PIK3CA: variants seen among roughly 807,000 people sequenced by gnomAD.
PIK3CA encodes the protein phosphatidylinositol-4,5-bisphosphate 3-kinase catalytic subunit alpha.
Under a neutral mutation model 138.2 loss-of-function variants are expected in PIK3CA, and 27 were observed. The ratio of observed to expected loss-of-function variants is 0.20; its 90% CI spans 0.14 to 0.27. The LOEUF is 0.27. Ranked by LOEUF, PIK3CA falls within the 10% of genes least tolerant of loss-of-function variation. PIK3CA has a pLI of 1.00. For synonymous variants in PIK3CA, 358 were observed against 413.2 expected (o/e 0.87, Z 1.62); for missense variants, 544 against 1,277.4 (o/e 0.43, Z 8.75).
At chr3:179,205,541 A>G (rs1222135198) in intron 6 of PIK3CA, among the ~76,000 whole-genome samples, 1 of 152,216 alleles carries the variant, frequency 6.6e-6, no homozygotes, top group Non-Finnish European at 1.5e-5. Context: ...ACCCTGAGGC[A>G]GTTTCCTTCA....
At chr3:179,170,067 C>CGT (rs1723516289) in intron 1 of PIK3CA, among the ~76,000 whole-genome samples, 1 of 33,650 alleles carries the variant, frequency 3.0e-5, no homozygotes, top group Admixed American at 3.5e-4. Context: ...CGCGTGCACA[C>CGT]GCGCGCGCGC....
intron 1 of PIK3CA, among the ~76,000 whole-genome samples, chr3:179,154,521 GCCAAAAAAGTTGGGGA>G (rs1396777606): frequency 6.6e-6 from 1 of 152,188 alleles, no homozygotes; most frequent in African/African-American, 2.4e-5. Context: ...GCTCCCTGGT[GCCAAAAAAGTTGGGGA>G]CCACTGGCCT....
intron 1 of PIK3CA, among the ~76,000 whole-genome samples, chr3:179,163,948 A>G (rs1240865151): frequency 1.3e-5 from 2 of 152,196 alleles, no homozygotes; most frequent in African/African-American, 4.8e-5. Flanking sequence ...CTTTAAAATC[A>G]ACATACAGTT....
intron 1 of PIK3CA, among the ~76,000 whole-genome samples, chr3:179,172,620 T>G (rs2108363414): frequency 6.6e-6 from 1 of 152,290 alleles, no homozygotes; most frequent in East Asian, 1.9e-4. Context: ...AAAAAACCAT[T>G]TACAGTAGTA....
chr3:179,210,106 ATTTTCC>A, intron 7 of PIK3CA, 74 bp from the exon 8 acceptor site: 1 of 1,139,340 alleles, frequency 8.8e-7, no homozygotes, highest in Non-Finnish European at 1.2e-6. Flanking sequence ...TGATTGTTGA[ATTTTCC>A]TTTTGGGGAA....
chr3:179,172,027 G>A (rs1723571247), intron 1 of PIK3CA, among the ~76,000 whole-genome samples: 1 of 151,998 alleles, frequency 6.6e-6, no homozygotes, highest in African/African-American at 2.4e-5. Context: ...ATATTTAAAA[G>A]GATAATACTA....
chr3:179,182,923 A>G (rs921483919), intron 1 of PIK3CA, among the ~76,000 whole-genome samples: 135 of 152,302 alleles, frequency 8.9e-4, no homozygotes, highest in Admixed American at 5.2e-4. Flanking sequence ...TATCGAAAAG[A>G]TGGATTTTTT....
intron 3 of PIK3CA, 74 bp downstream of exon 3, chr3:179,199,973 TC>T (rs370539852): frequency 4.4e-6 from 4 of 902,930 alleles, no homozygotes; most frequent in South Asian, 1.7e-5. Flanking sequence ...CTTTGTATAG[TC>T]TTTTTTTTTT....
chr3:179,193,614 A>G (rs754801017), intron 1 of PIK3CA, among the ~76,000 whole-genome samples: 1 of 152,128 alleles, frequency 6.6e-6, no homozygotes, highest in African/African-American at 2.4e-5. Flanking sequence ...ATAATTCATC[A>G]AAAAGGTAAA....
chr3:179,151,624 A>G (rs1334697673), intron 1 of PIK3CA, among the ~76,000 whole-genome samples: 10 of 152,188 alleles, frequency 6.6e-5, no homozygotes, highest in Admixed American at 3.3e-4. Context: ...CTAATAGAAA[A>G]GGATGTAAAG....
At chr3:179,155,007 G>A (rs1209634695) in intron 1 of PIK3CA, among the ~76,000 whole-genome samples, 5 of 151,988 alleles carry the variant, frequency 3.3e-5, no homozygotes, top group South Asian at 4.2e-4. Flanking sequence ...GGTACACTTC[G>A]GATTTTAAGT....
intron 1 of PIK3CA, among the ~76,000 whole-genome samples, chr3:179,184,470 T>C (rs1411050987): frequency 6.6e-6 from 1 of 152,224 alleles, no homozygotes; most frequent in African/African-American, 2.4e-5. Flanking sequence ...GCTTTATCAT[T>C]AGTCCCTGGT....
Position 179,230,344 on chromosome 3 carries a change from C to G in PIK3CA, c.2904C>G (p.Ala968=), listed in dbSNP as rs1216211681. ...QDFLIVISKG[A]QECTKTREFE... The stretch of plus-strand genomic sequence containing the variant: ...TCTTAATAGTGATTAGTAAAGGAGC[C>G]CAAGAATGCACAAAGACAAGAGAAT... The change falls in exon 20 of 21, where the codon GCC becomes GCG. Residue 968 remains alanine (A), a synonymous_variant. Coordinates refer to ENST00000263967, the MANE Select transcript of PIK3CA (RefSeq NM_006218.4). This position sits in a 1 kb window ranked among gnomAD's most constrained non-coding sequence, Gnocchi z 5.4. 6.2e-7 allele frequency: 1 copy of G among 1,607,842 alleles called. No homozygotes were observed. The highest frequency in any genetic ancestry group is 1.1e-5 in the South Asian group (1 of 89,722).
chr3:179,209,307 G>A (rs1289754575), intron 6 of PIK3CA, among the ~76,000 whole-genome samples: 1 of 151,812 alleles, frequency 6.6e-6, no homozygotes, highest in African/African-American at 2.4e-5. Context: ...TCCTATTACT[G>A]CATAACCTTA....
chr3:179,158,719 A>G (rs1308765071), intron 1 of PIK3CA, among the ~76,000 whole-genome samples: 2 of 152,168 alleles, frequency 1.3e-5, no homozygotes, highest in Non-Finnish European at 2.9e-5. Flanking sequence ...TTTACAAGTC[A>G]TTTATGTAAA....
intron 7 of PIK3CA, 117 bp from the exon 8 acceptor site, chr3:179,210,069 T>G: frequency 1.4e-6 from 1 of 729,462 alleles, no homozygotes; most frequent in Non-Finnish European, 2.1e-6. Context: ...AATTTTTTTT[T>G]TTTAGATATT....
intron 1 of PIK3CA, among the ~76,000 whole-genome samples, chr3:179,177,747 T>C (rs1190782799): frequency 2.0e-5 from 3 of 152,202 alleles, no homozygotes; most frequent in Non-Finnish European, 2.9e-5. Flanking sequence ...TGAAGAAATC[T>C]TTTAAAACTG....
chr3:179,205,076 T>C (rs1300510197), intron 6 of PIK3CA, among the ~76,000 whole-genome samples: 2 of 142,048 alleles, frequency 1.4e-5, no homozygotes, highest in African/African-American at 2.6e-5. Flanking sequence ...CACAGTGGCA[T>C]GTGCCTGTAG....
rs1371700623 is a variant in PIK3CA at position 179,238,525 on chromosome 3, T to C, written c.*4161T>C. ...AAAAAATAGATGAGTCACAATTCAA[T>C]ACTTCAAGCTCAGAAACTGTGCAGA... is the stretch of plus-strand genomic sequence containing the variant. On this transcript the variant is annotated 3_prime_UTR_variant, in exon 21 of 21. Transcript: ENST00000263967. 2.3e-5 allele frequency: 5 copies of C among 218,950 alleles called. No individual in the cohort carries two copies. The South Asian group carries it at 7.4e-4, about 32-fold the overall frequency. 13.6% of individuals were successfully genotyped at this position (218,950 alleles called of 1,614,324 possible). A position where few individuals can be genotyped will look rare whatever the true frequency, so the allele number is the denominator to read the frequency against.
Sources: allele counts gnomAD v4.1 joint callset (sites outside exome capture counted in the v4.1 genomes callset), GRCh38; gene constraint gnomAD v4.1.1; non-coding constraint Gnocchi (gnomAD v3.1); transcripts MANE v1.5; gene names NCBI Gene and HGNC (gene_info 2026-07-23, HGNC 2026-07-21).